Variants in MON2 observed in about 807,000 individuals in gnomAD.
The protein encoded by MON2 is protein MON2 homolog.
MON2 carries 84 observed loss-of-function variants against 208.6 expected under a neutral mutation model. That is an observed-to-expected ratio of 0.40 (90% CI 0.34 to 0.48). MON2 has a LOEUF of 0.48. Ranked by LOEUF, MON2 falls within the 20% of genes least tolerant of loss-of-function variation. The probability of loss-of-function intolerance (pLI) is 0.59; values close to 1 mark genes in which losing one functional copy is unlikely to be tolerated. For missense variants in MON2, 1,611 were observed against 2,015.4 expected (o/e 0.80, Z 3.84); for synonymous variants, 660 against 694.0 (o/e 0.95, Z 0.77).
At chr12:62,544,152 T>G (rs2073371843) in intron 20 of MON2, among the ~76,000 whole-genome samples, 1 of 152,062 alleles carries the variant, frequency 6.6e-6, no homozygotes, top group Non-Finnish European at 1.5e-5. Flanking sequence ...TTATTCTTAG[T>G]AAGAAAAACA....
At chr12:62,525,334 A>G in intron 10 of MON2, 114 bp downstream of exon 10, 7 of 1,022,896 alleles carry the variant, frequency 6.8e-6, no homozygotes, top group Non-Finnish European at 1.0e-5. Flanking sequence ...TTACCTAAAC[A>G]TGTTGGTAGT....
At chr12:62,512,759 T>C (rs2071478429) in intron 8 of MON2, among the ~76,000 whole-genome samples, 1 of 152,258 alleles carries the variant, frequency 6.6e-6, no homozygotes, top group South Asian at 2.1e-4. Flanking sequence ...ATTTCCCTTC[T>C]GTATTGCCCT....
chr12:62,551,579 A>G (rs574265421), intron 23 of MON2, among the ~76,000 whole-genome samples: 2 of 152,332 alleles, frequency 1.3e-5, no homozygotes, highest in Middle Eastern at 3.4e-3. Context: ...ACACAAAGTG[A>G]TCACATGCTG....
intron 1 of MON2, among the ~76,000 whole-genome samples, chr12:62,471,069 TTA>T (rs1237393333): frequency 6.6e-6 from 1 of 152,172 alleles, no homozygotes; most frequent in Non-Finnish European, 1.5e-5. Flanking sequence ...TGGTAATCTT[TTA>T]TATAATGGAG....
intron 25 of MON2, among the ~76,000 whole-genome samples, chr12:62,557,069 CAG>C (rs764013069): frequency 6.7e-5 from 10 of 150,176 alleles, no homozygotes; most frequent in Non-Finnish European, 8.9e-5. Context: ...GTCTGCGTGA[CAG>C]AGTGAGACCC....
chr12:62,530,158 G>C (rs1176719400), intron 11 of MON2, among the ~76,000 whole-genome samples: 1 of 151,098 alleles, frequency 6.6e-6, no homozygotes, highest in Non-Finnish European at 1.5e-5. Context: ...ACCCTTCCTG[G>C]CCCCTGGGAA....
chr12:62,497,556 G>A (rs957449921), intron 4 of MON2, among the ~76,000 whole-genome samples: 1 of 152,106 alleles, frequency 6.6e-6, no homozygotes, highest in African/African-American at 2.4e-5. Flanking sequence ...CTAAATTCAC[G>A]TATACTGCTG....
At chr12:62,497,525 A>G (rs753456482) in intron 4 of MON2, among the ~76,000 whole-genome samples, 47 of 152,252 alleles carry the variant, frequency 3.1e-4, no homozygotes, top group Admixed American at 9.2e-4. Flanking sequence ...ACCAAGTGTT[A>G]TGGAGGCTGT....
chr12:62,492,426 C>T (rs1429364862), intron 2 of MON2, among the ~76,000 whole-genome samples: 1 of 136,112 alleles, frequency 7.3e-6, no homozygotes, highest in African/African-American at 2.8e-5. Flanking sequence ...CTGCGGACTG[C>T]GGTGGCGCAA....
At chr12:62,555,600 A>G (rs948137919) in intron 24 of MON2, among the ~76,000 whole-genome samples, 1 of 152,180 alleles carries the variant, frequency 6.6e-6, no homozygotes, top group African/African-American at 2.4e-5. Context: ...ACCTCAGGTC[A>G]GAAGTTCGAG....
chr12:62,497,235 A>G (rs1308644766), intron 4 of MON2, among the ~76,000 whole-genome samples: 1 of 151,122 alleles, frequency 6.6e-6, no homozygotes, highest in Non-Finnish European at 1.5e-5. Flanking sequence ...TAATGGGTGC[A>G]GCACACCAGC....
At chr12:62,580,505 G>C in intron 32 of MON2, 85 bp downstream of exon 32, 1 of 1,256,174 alleles carries the variant, frequency 8.0e-7, no homozygotes, top group Non-Finnish European at 1.1e-6. Flanking sequence ...TATGATTTTG[G>C]TAATGTAAAC....
At chr12:62,492,370 T>TC (rs1467787113) in intron 2 of MON2, among the ~76,000 whole-genome samples, 2 of 142,334 alleles carry the variant, frequency 1.4e-5, no homozygotes, top group African/African-American at 5.1e-5. Flanking sequence ...TTCTTTTTTT[T>TC]TTTTTTTTTT....
chr12:62,485,786 C>T (rs897484223), intron 2 of MON2, among the ~76,000 whole-genome samples: 1 of 152,094 alleles, frequency 6.6e-6, no homozygotes, highest in Non-Finnish European at 1.5e-5. Context: ...TTACTGCAAC[C>T]TCTGCCTCCT....
chr12:62,587,018 T>A (rs2075240109), intron 33 of MON2, among the ~76,000 whole-genome samples: 1 of 152,154 alleles, frequency 6.6e-6, no homozygotes, highest in South Asian at 2.1e-4. Flanking sequence ...TGAAATAGTA[T>A]CCTGACATGG....
chr12:62,555,034 G>A (rs1271102720), intron 24 of MON2, among the ~76,000 whole-genome samples: 1 of 151,916 alleles, frequency 6.6e-6, no homozygotes, highest in Non-Finnish European at 1.5e-5. Context: ...CTGACCTCGT[G>A]ATCCGCCCGC....
intron 11 of MON2, among the ~76,000 whole-genome samples, chr12:62,527,110 A>G (rs556057438): frequency 1.3e-5 from 2 of 152,302 alleles, no homozygotes; most frequent in African/African-American, 4.8e-5. Flanking sequence ...TGGGTGACAG[A>G]GTGAGACTCT....
At position 62,571,529 on chromosome 12, in the gene MON2, C is replaced by T. The variant is rs1222402651; in HGVS notation, c.4461C>T (p.Asp1487=). 2.0e-5 allele frequency: 33 copies of T among 1,613,902 alleles called. No individual in the cohort carries two copies. The highest frequency in any genetic ancestry group is 2.8e-5 in the Non-Finnish European group (33 of 1,179,970). Residue 1487 remains aspartate (D), a synonymous_variant, in exon 30 of 35, where the codon GAC becomes GAT. Transcript: ENST00000393630. ...ARQHASSGKF[D]SMWPELANTF... is the part of the protein sequence containing the mutation. ...AGCATGCTTCTTCTGGAAAATTTGA[C>T]AGTATGTGGCCAGAACTAGCCAATA...
chr12:62,566,887 A>T (rs537311603), intron 29 of MON2, among the ~76,000 whole-genome samples: 36 of 152,170 alleles, frequency 2.4e-4, no homozygotes, highest in South Asian at 4.2e-4. Flanking sequence ...AAGTATAATT[A>T]AAAAAAATTT....
Sources: allele counts gnomAD v4.1 joint callset (sites outside exome capture counted in the v4.1 genomes callset), GRCh38; gene constraint gnomAD v4.1.1; transcripts MANE v1.5; gene names NCBI Gene and HGNC (gene_info 2026-07-23, HGNC 2026-07-21).